The following XPC variants were observed in gnomAD, a reference collection of about 807,000 sequenced individuals.
XPC encodes DNA repair protein complementing XP-C cells.
Under a neutral mutation model 95.8 loss-of-function variants are expected in XPC, and 76 were observed. The observed-to-expected ratio is 0.79, with a 90% confidence interval of 0.66 to 0.96. XPC has a LOEUF of 0.96. Ranked by LOEUF, XPC falls within the 40% of genes least tolerant of loss-of-function variation. XPC has a pLI of 0.00. For missense variants in XPC, 1,146 were observed against 1,179.8 expected (o/e 0.97, Z 0.42); for synonymous variants, 442 against 442.1 (o/e 1.00, Z 0.00).
At chr3:14,151,093 C>A (rs1695670445) in intron 11 of XPC, among the ~76,000 whole-genome samples, 1 of 152,018 alleles carries the variant, frequency 6.6e-6, no homozygotes, top group Non-Finnish European at 1.5e-5. Flanking sequence ...GGGATCAGAA[C>A]AAGGGGTGAA....
At chr3:14,161,594 A>G (rs2125030723) in intron 7 of XPC, among the ~76,000 whole-genome samples, 1 of 151,510 alleles carries the variant, frequency 6.6e-6, no homozygotes, top group East Asian at 1.9e-4. Flanking sequence ...GACAAAGAAA[A>G]ACGCACCTGA....
chr3:14,154,678 G>C (rs2125019059), intron 10 of XPC, among the ~76,000 whole-genome samples: 1 of 152,250 alleles, frequency 6.6e-6, no homozygotes, highest in African/African-American at 2.4e-5. Context: ...CGGAGTTTTG[G>C]TTTGGGAAGA....
At chr3:14,153,533 C>T (rs773263100) in intron 10 of XPC, 157 of 157,146 alleles carry the variant, frequency 1.0e-3, no homozygotes, top group Non-Finnish European at 1.8e-3. Context: ...GGAGGCTCAG[C>T]TAAGCTATGA....
At chr3:14,170,319 TG>T in intron 3 of XPC, 118 bp downstream of exon 3, 1 of 916,110 alleles carries the variant, frequency 1.1e-6, no homozygotes, top group Non-Finnish European at 1.7e-6. Context: ...ACCTTATCTG[TG>T]GTCTAATTAG....
rs1695658688 is a variant in XPC at position 14,150,829 on chromosome 3, G to T, written c.2115+1506C>A. 2.0e-5 allele frequency among the ~76,000 whole-genome samples: 3 copies of T among 152,194 alleles called. No individual in the cohort carries two copies. The South Asian group carries it at 6.2e-4, about 31-fold the overall frequency. On this transcript the variant is annotated intron_variant, in intron 11 of 15. Coordinates refer to ENST00000285021, the MANE Select transcript of XPC (RefSeq NM_004628.5). ...CAAGAGAACAGGGCTGGACCCCACAGGGCACAGAGGTGGGAGAACACTGGG... is the reference window on the plus strand; with the variant it reads ...CAAGAGAACAGGGCTGGACCCCACATGGCACAGAGGTGGGAGAACACTGGG...
At chr3:14,171,269 G>C (rs962144774) in intron 2 of XPC, among the ~76,000 whole-genome samples, 2 of 152,022 alleles carry the variant, frequency 1.3e-5, no homozygotes, top group Non-Finnish European at 1.5e-5. Flanking sequence ...CTAGGATTTT[G>C]GTATAAACAT....
intron 7 of XPC, 118 bp from the exon 8 acceptor site, chr3:14,159,948 G>T: frequency 1.0e-6 from 1 of 974,938 alleles, no homozygotes; most frequent in Non-Finnish European, 1.5e-6. Context: ...CAGCCAGACT[G>T]TCTAACAGTA....
At chr3:14,150,875 G>C in intron 11 of XPC, among the ~76,000 whole-genome samples, 1 of 152,198 alleles carries the variant, frequency 6.6e-6, no homozygotes, top group Non-Finnish European at 1.5e-5. Context: ...TAAGTCCTCT[G>C]GAATGCAGAG....
At position 14,152,338 on chromosome 3, in the gene XPC, G is replaced by A. The variant is rs775434986; in HGVS notation, c.2112C>T (p.Tyr704=). The change falls in exon 11 of 16, where the codon TAC becomes TAT. Residue 704 remains tyrosine, a synonymous_variant. Coordinates refer to ENST00000285021, the MANE Select transcript of XPC (RefSeq NM_004628.5). ...GGGACCCCCCAGCTCCAGTTACCTT[G>A]TAGGGTACTTCTCCAAGCCTCACCA... is the stretch of plus-strand genomic sequence containing the variant. The part of the protein sequence containing the change: ...ARVVRLGEVP[Y]KMVKGFSNRA... 6.2e-7 allele frequency: 1 copy of A among 1,612,710 alleles called. No individual in the cohort carries two copies. The highest frequency in any genetic ancestry group is 1.1e-5 in the South Asian group (1 of 90,734).
intron 8 of XPC, 27 bp downstream of exon 8, chr3:14,159,714 C>T: frequency 6.5e-7 from 1 of 1,546,552 alleles, no homozygotes; most frequent in South Asian, 1.2e-5. Flanking sequence ...AATTGCTCCT[C>T]TTCTCTGGCA....
In XPC at chr3:14,164,893, TGG is replaced by T. The variant is rs769862586; in HGVS notation, c.818_819del (p.Ala273GlufsTer2). On this transcript the variant is annotated frameshift_variant, in exon 7 of 16. Coordinates refer to ENST00000285021, the MANE Select transcript of XPC (RefSeq NM_004628.5). LOFTEE classifies it high-confidence loss of function. ...GTAGTCTGCAGGTTATCTTGTTCAC[TGG>T]CTGAAAGTTCTGCATTAACTGTAAA... Reference protein sequence around the residue: ...GTFTVNAELSASEQDNLQTTL... With the variant: ...GTFTVNAELSXSEQDNLQTTL... The T allele has an allele frequency of 6.2e-7, 1 of 1,612,818 alleles. No individual in the cohort carries two copies. The highest frequency in any genetic ancestry group is 8.5e-7 in the Non-Finnish European group (1 of 1,179,346).
At position 14,158,735 on chromosome 3, in the gene XPC, C is replaced by T. The variant is rs1243786595; in HGVS notation, c.1148G>A (p.Gly383Glu). 9.9e-6 allele frequency: 16 copies of T among 1,613,774 alleles called. No homozygotes were observed. In the Admixed American group the frequency reaches 2.2e-4, roughly 22 times the overall value. ...CTTTCTGCCTCCCTTGTTCCTCTTC[C>T]CTTTGGCACTTGGCCTGCAGGTGCC... ...AKGTCRPSAK[G>E]KRNKGGRKKR... Residue 383 changes from glycine (G) to glutamate (E), a missense_variant, in exon 9 of 16, where the codon GGG (glycine) becomes GAG (glutamate). By Grantham distance (98) the Gly-to-Glu change is moderately conservative (BLOSUM62 -2). Transcript: ENST00000285021. The surrounding 1 kb of genome is among the most constrained non-coding windows in gnomAD (Gnocchi z 5.2).
chr3:14,178,600 G>A lies in XPC; in HGVS notation c.-32C>T, dbSNP rs761506596. The A allele has an allele frequency of 1.5e-5, 24 of 1,611,506 alleles. No individual in the cohort carries two copies. Among genetic ancestry groups the A allele is most frequent in the Admixed American group, 3.3e-5 (2 of 59,966 alleles). ...TGTCTGGGCAAATTCCACTTCGCGA[G>A]TGACGCACCCGGCCGCGATGCGCTA... On this transcript the variant is annotated 5_prime_UTR_variant, in exon 1 of 16. Transcript: ENST00000285021.
rs1695553793 is a variant in XPC, at chr3:14,148,723, C to A, written c.2259G>T (p.Arg753=). The A allele has an allele frequency of 6.2e-7, 1 of 1,613,886 alleles. No individual in the cohort carries two copies. The highest frequency in any genetic ancestry group is 2.2e-5 in the East Asian group (1 of 44,890). ...PPVAVDGKVP[R]NEFGNVYLFL... Reference sequence around the variant, plus strand: ...AGAGGTACACATTCCCAAACTCGTTCCGGGGCACCTGTGTCGGGTGAGCAA... The same window carrying A: ...AGAGGTACACATTCCCAAACTCGTTACGGGGCACCTGTGTCGGGTGAGCAA... Residue 753 remains arginine (R), a synonymous_variant, in exon 13 of 16, where the codon CGG becomes CGT. Coordinates refer to ENST00000285021, the MANE Select transcript of XPC (RefSeq NM_004628.5).
intron 5 of XPC, chr3:14,165,855 TG>T (rs2125037300): frequency 2.5e-6 from 1 of 397,428 alleles, no homozygotes; most frequent in Non-Finnish European, 4.7e-6. Flanking sequence ...AAACTGTTTT[TG>T]TTTTGGTCTT....
chr3:14,148,336 G>A, intron 13 of XPC: 1 of 657,194 alleles, frequency 1.5e-6, no homozygotes, highest in Non-Finnish European at 2.5e-6. Context: ...AACCTGGGAA[G>A]AACGTTTTAA....
rs370126012 is a variant in XPC at position 14,147,299 on chromosome 3, G to A, written c.2595C>T (p.Tyr865=). The change falls in exon 15 of 16, where the codon TAC becomes TAT. Residue 865 remains tyrosine (Y), a synonymous_variant. Transcript: ENST00000285021. The stretch of plus-strand genomic sequence containing the variant: ...AAGAACCTGCACTGACCTTGGGCCC[G>A]TAGCGACGCTTCAGCCTCTCCCTGA... ...LLIRERLKRR[Y]GPKSEAAAPH... 114 of 1,609,796 alleles carry A rather than the reference G, an allele frequency of 7.1e-5. 1 individual carries two copies. The highest frequency in any genetic ancestry group is 3.1e-4 in the African/African-American group (23 of 74,834).
At chr3:14,169,293 A>G (rs1032162151) in intron 3 of XPC, among the ~76,000 whole-genome samples, 1 of 152,106 alleles carries the variant, frequency 6.6e-6, no homozygotes, top group Admixed American at 6.5e-5. Context: ...GATTCTTGGA[A>G]AAAAAATAAA....
intron 7 of XPC, 128 bp downstream of exon 7, chr3:14,164,685 T>C (rs1696299876): frequency 1.1e-6 from 1 of 940,234 alleles, no homozygotes; most frequent in Admixed American, 3.1e-5. Context: ...TCAGCAGCTA[T>C]CAACGTCATT....
Sources: gnomAD v4.1 joint callset for allele counts (sites outside exome capture counted in the v4.1 genomes callset) on GRCh38, gnomAD v4.1.1 for gene constraint, Gnocchi (gnomAD v3.1) non-coding constraint, MANE v1.5 for transcripts, NCBI Gene and HGNC (gene_info 2026-07-23, HGNC 2026-07-21) for gene names.